Variants in LEMD1 observed in about 807,000 individuals in gnomAD.
LEMD1 encodes LEM domain containing 1.
LEMD1 carries 18 observed loss-of-function variants against 17.4 expected under a neutral mutation model. The ratio of observed to expected loss-of-function variants is 1.04; its 90% confidence interval spans 0.72 to 1.54. LEMD1 has a LOEUF of 1.54. Among genes scored for constraint, LEMD1 ranks in the 40% most tolerant of loss-of-function variants. LEMD1 has a pLI of 0.00. For synonymous variants in LEMD1, 88 were observed against 77.8 expected, an observed-to-expected ratio of 1.13 and a Z score of -0.69; for missense variants, 195 against 210.4, an observed-to-expected ratio of 0.93 and a Z score of 0.45.
In LEMD1 at chr1:205,389,400, G is replaced by A. The variant is rs146725008; in HGVS notation, c.271-5036C>T. Among the ~76,000 whole-genome samples, 162 of 152,172 alleles carry A rather than the reference G, an allele frequency of 1.1e-3. 2 individuals are homozygous for A. The highest frequency in any genetic ancestry group is 3.8e-3 in the African/African-American group (157 of 41,524). ...ACCTTGACTAGAGCCATCACTAACTGTCCATAAAGAAATACAAGTTTGTTT... is the reference window on the plus strand; with the variant it reads ...ACCTTGACTAGAGCCATCACTAACTATCCATAAAGAAATACAAGTTTGTTT... On this transcript the variant is annotated intron_variant, in intron 4 of 5. Coordinates refer to ENST00000367153, the MANE Select transcript of LEMD1 (RefSeq NM_001199050.2).
intron 4 of LEMD1, among the ~76,000 whole-genome samples, chr1:205,413,862 C>T (rs933513503): frequency 6.6e-6 from 1 of 151,964 alleles, no homozygotes; most frequent in Non-Finnish European, 1.5e-5. Context: ...CCATGTTAGC[C>T]AGACTGGTCT....
intron 4 of LEMD1, among the ~76,000 whole-genome samples, chr1:205,410,020 C>T (rs1665313476): frequency 6.6e-6 from 1 of 152,150 alleles, no homozygotes; most frequent in Non-Finnish European, 1.5e-5. Flanking sequence ...AGGTGATCTA[C>T]CCACCTCGGC....
At chr1:205,410,503 A>G (rs1166985470) in intron 4 of LEMD1, among the ~76,000 whole-genome samples, 1 of 152,162 alleles carries the variant, frequency 6.6e-6, no homozygotes, top group Admixed American at 6.5e-5. Flanking sequence ...TATGGTACAG[A>G]ATAGGAAGTC....
intron 1 of LEMD1, among the ~76,000 whole-genome samples, chr1:205,440,037 C>G (rs796873969): frequency 6.6e-6 from 1 of 151,968 alleles, no homozygotes; most frequent in African/African-American, 2.4e-5. Flanking sequence ...CTGAAGGCAC[C>G]ACATATGAAC....
chr1:205,403,268 A>T (rs1664937907), intron 4 of LEMD1, among the ~76,000 whole-genome samples: 1 of 152,070 alleles, frequency 6.6e-6, no homozygotes, highest in Non-Finnish European at 1.5e-5. Context: ...ATAGTTTCAG[A>T]AGGAATGGTA....
intron 4 of LEMD1, among the ~76,000 whole-genome samples, chr1:205,391,373 T>A (rs1037936389): frequency 2.0e-5 from 3 of 151,802 alleles, no homozygotes; most frequent in African/African-American, 4.8e-5. Context: ...GTTTTTTTTT[T>A]AATTTATATG....
chr1:205,441,770 G>A lies in LEMD1; in HGVS notation c.-39+8098C>T, dbSNP rs1334724355. ...CCTATGCTGGGCAAAGGGTTGAGAG[G>A]TAGATACAAAAGGGTAAAGACATGG... On this transcript the variant is annotated intron_variant, in intron 1 of 3. Coordinates refer to the LEMD1 transcript ENST00000367154. The surrounding 1 kb of genome is among the most constrained non-coding windows in gnomAD (Gnocchi z 4.3). Among the ~76,000 whole-genome samples the A allele has an allele frequency of 6.6e-6, 1 of 152,184 alleles. No individual in the cohort carries two copies. The highest frequency in any genetic ancestry group is 6.5e-5 in the Admixed American group (1 of 15,284).
intron 1 of LEMD1, among the ~76,000 whole-genome samples, chr1:205,428,779 G>A (rs533183122): frequency 2.5e-4 from 38 of 152,268 alleles, no homozygotes; most frequent in African/African-American, 8.2e-4. Context: ...ACTAGGTGGG[G>A]ATGAAAAGAA....
At chr1:205,419,137 A>G in intron 3 of LEMD1, 93 bp downstream of exon 3, 1 of 1,436,964 alleles carries the variant, frequency 7.0e-7, no homozygotes, top group South Asian at 1.4e-5. Context: ...TTCACAGGTC[A>G]GGCTGCACAC....
chr1:205,433,269 C>A (rs551090214), intron 1 of LEMD1, among the ~76,000 whole-genome samples: 120 of 152,204 alleles, frequency 7.9e-4, no homozygotes, highest in Non-Finnish European at 1.4e-3. Flanking sequence ...CCAGCCTGAC[C>A]AACATGGTGA....
chr1:205,382,543 G>A (rs959885441), intron 5 of LEMD1, among the ~76,000 whole-genome samples: 7 of 152,032 alleles, frequency 4.6e-5, no homozygotes, highest in African/African-American at 1.2e-4. Flanking sequence ...GATTACAGGC[G>A]TGAGCCACTG....
chr1:205,407,819 A>T (rs1665191731), intron 4 of LEMD1, among the ~76,000 whole-genome samples: 1 of 152,174 alleles, frequency 6.6e-6, no homozygotes, highest in African/African-American at 2.4e-5. Flanking sequence ...ATCTGACGCT[A>T]ACTCCAGGTC....
At chr1:205,430,578 G>C (rs1666111446) in intron 1 of LEMD1, among the ~76,000 whole-genome samples, 2 of 152,212 alleles carry the variant, frequency 1.3e-5, no homozygotes, top group South Asian at 4.1e-4. Flanking sequence ...GCCCATCACC[G>C]TGGAGAACCA....
At chr1:205,408,330 C>T (rs1438988921) in intron 4 of LEMD1, among the ~76,000 whole-genome samples, 1 of 143,934 alleles carries the variant, frequency 6.9e-6, no homozygotes, top group African/African-American at 2.7e-5. Context: ...TGGTAGGGTA[C>T]ACACACACAC....
chr1:205,407,159 G>A (rs1665153500), intron 4 of LEMD1, among the ~76,000 whole-genome samples: 1 of 151,912 alleles, frequency 6.6e-6, no homozygotes, highest in African/African-American at 2.4e-5. Flanking sequence ...ATGAAACCCT[G>A]TTTTTACTAA....
At chr1:205,390,037 T>A (rs1461695150) in intron 4 of LEMD1, among the ~76,000 whole-genome samples, 1 of 151,936 alleles carries the variant, frequency 6.6e-6, no homozygotes, top group Non-Finnish European at 1.5e-5. Flanking sequence ...AACCTTATGA[T>A]CATCTCCATT....
At chr1:205,424,187 G>C (rs1455312969), upstream of LEMD1, among the ~76,000 whole-genome samples, 1 of 152,198 alleles carries the variant, frequency 6.6e-6, no homozygotes, top group Non-Finnish European at 1.5e-5. Flanking sequence ...CTAAAGCAAA[G>C]ATCAGCAGTT....
At chr1:205,442,506 C>T (rs369842716) in intron 1 of LEMD1, among the ~76,000 whole-genome samples, 3 of 152,216 alleles carry the variant, frequency 2.0e-5, no homozygotes, top group East Asian at 3.8e-4. Flanking sequence ...AAGGCCCACA[C>T]CAAGCACAGT....
chr1:205,429,582 T>C (rs1271896472), intron 1 of LEMD1, among the ~76,000 whole-genome samples: 1 of 152,054 alleles, frequency 6.6e-6, no homozygotes, highest in African/African-American at 2.4e-5. Context: ...AGAAGAGGCA[T>C]AAAAGATGGC....
Sources: allele counts gnomAD v4.1 joint callset (sites outside exome capture counted in the v4.1 genomes callset), GRCh38; gene constraint gnomAD v4.1.1; non-coding constraint Gnocchi (gnomAD v3.1); transcripts MANE v1.5; gene names NCBI Gene and HGNC (gene_info 2026-07-23, HGNC 2026-07-21).